MARCHF1: variants seen among roughly 807,000 people sequenced by gnomAD.
MARCHF1 encodes the protein E3 ubiquitin-protein ligase MARCHF1.
A neutral mutation model predicts 54.2 loss-of-function variants in MARCHF1; 40 were observed. That is an observed-to-expected ratio of 0.74 (90% confidence interval 0.57 to 0.96). The LOEUF is 0.96. MARCHF1 is among the 40% of genes least tolerant of loss of function. The pLI is 0.00. For missense variants in MARCHF1, 586 were observed against 656.5 expected, an observed-to-expected ratio of 0.89 and a Z score of 1.17; for synonymous variants, 236 against 236.3, an observed-to-expected ratio of 1.00 and a Z score of 0.01.
intron 2 of MARCHF1, among the ~76,000 whole-genome samples, chr4:164,004,184 G>T (rs1054518362): frequency 6.6e-6 from 1 of 151,792 alleles, no homozygotes; most frequent in Non-Finnish European, 1.5e-5. Context: ...TGCATGTGGG[G>T]CTTAAAAATC....
chr4:163,737,157 TTTCTTTC>T lies in MARCHF1; in HGVS notation c.112-36301_112-36295del, dbSNP rs1241683907. Among the ~76,000 whole-genome samples the T allele has an allele frequency of 1.7e-4, 17 of 97,594 alleles. 1 individual carries two copies. The highest frequency in any genetic ancestry group is 5.2e-4 in the African/African-American group (14 of 27,146). The allele number at this position is 97,594 out of a possible 152,430, so 64.0% of individuals were successfully genotyped here. On this transcript the variant is annotated intron_variant, in intron 4 of 9. Transcript: ENST00000514618. ...GTCACTTATCAGCGCTCGCAGCTTT[TTTCTTTC>T]TTTTTTTTTTTTTTTTTTCACATAT...
At chr4:163,686,778 T>C (rs1744281847) in intron 5 of MARCHF1, among the ~76,000 whole-genome samples, 1 of 152,106 alleles carries the variant, frequency 6.6e-6, no homozygotes, top group Non-Finnish European at 1.5e-5. Flanking sequence ...TGTAGGCCCA[T>C]GCAGAAAATG....
At chr4:163,698,233 C>A (rs903240396) in intron 5 of MARCHF1, among the ~76,000 whole-genome samples, 32 of 152,134 alleles carry the variant, frequency 2.1e-4, no homozygotes, top group African/African-American at 7.7e-4. Context: ...AGGAAAAAAT[C>A]TTGGTTCCAA....
intron 3 of MARCHF1, among the ~76,000 whole-genome samples, chr4:163,882,749 G>C (rs1214111573): frequency 6.6e-6 from 1 of 152,002 alleles, no homozygotes; most frequent in Non-Finnish European, 1.5e-5. Context: ...TAGGTGGATT[G>C]CTTGAACCTA....
chr4:164,229,366 A>G (rs2111173892), intron 1 of MARCHF1, among the ~76,000 whole-genome samples: 1 of 152,278 alleles, frequency 6.6e-6, no homozygotes, highest in African/African-American at 2.4e-5. Flanking sequence ...CTGCCCTCTC[A>G]TAAGCAACAC....
chr4:164,035,660 T>C (rs1322563283), intron 2 of MARCHF1, among the ~76,000 whole-genome samples: 3 of 142,718 alleles, frequency 2.1e-5, no homozygotes, highest in Non-Finnish European at 4.7e-5. Context: ...GAAACAAAAA[T>C]AGAAACATTC....
intron 8 of MARCHF1, among the ~76,000 whole-genome samples, chr4:163,562,778 C>T (rs1045285694): frequency 6.6e-6 from 1 of 152,140 alleles, no homozygotes; most frequent in African/African-American, 2.4e-5. Flanking sequence ...TATGTTATTT[C>T]CCCAGATTTA....
chr4:164,376,662 C>T (rs1190995138), intron 1 of MARCHF1, among the ~76,000 whole-genome samples: 1 of 152,190 alleles, frequency 6.6e-6, no homozygotes, highest in Non-Finnish European at 1.5e-5. Context: ...TTCCCACTGA[C>T]TGCGAGGCTC....
chr4:164,174,540 T>C (rs778582042), intron 1 of MARCHF1, among the ~76,000 whole-genome samples: 14 of 152,182 alleles, frequency 9.2e-5, no homozygotes, highest in Non-Finnish European at 1.6e-4. Context: ...TTAGGAAGGC[T>C]GGAGGAGCAG....
chr4:164,336,189 C>T (rs1168751127), intron 1 of MARCHF1, among the ~76,000 whole-genome samples: 1 of 152,078 alleles, frequency 6.6e-6, no homozygotes, highest in African/African-American at 2.4e-5. Flanking sequence ...GATGAAACAA[C>T]CAAATTGGCT....
chr4:164,187,899 T>TAA (rs1393783840), intron 1 of MARCHF1, among the ~76,000 whole-genome samples: 2 of 152,172 alleles, frequency 1.3e-5, no homozygotes, highest in African/African-American at 2.4e-5. Context: ...TTTGACTCTT[T>TAA]AAATCTCAAA....
At chr4:163,584,146 A>G (rs988723080) in intron 8 of MARCHF1, 2 of 151,012 alleles carry the variant, frequency 1.3e-5, no homozygotes, top group African/African-American at 4.9e-5. Context: ...TGGAATAAAA[A>G]GACTTTTCAA....
chr4:163,643,193 TG>T (rs1448452770), intron 5 of MARCHF1, among the ~76,000 whole-genome samples: 2 of 148,244 alleles, frequency 1.3e-5, no homozygotes, highest in African/African-American at 2.5e-5. Flanking sequence ...CAAGTGGTAG[TG>T]GTGCACGTCT....
In MARCHF1 at chr4:163,712,840, T is replaced by G. The variant is rs902080894; in HGVS notation, c.112-11977A>C. Among the ~76,000 whole-genome samples, 16 of 152,256 alleles carry G rather than the reference T, an allele frequency of 1.1e-4. No individual in the cohort carries two copies. In the East Asian group the frequency reaches 2.7e-3, roughly 26 times the overall value. On this transcript the variant is annotated intron_variant, in intron 4 of 9. Coordinates refer to ENST00000514618, the MANE Select transcript of MARCHF1 (RefSeq NM_001394959.1). ...GTCAGGTCCATTTCTGACAATCCCT[T>G]GTTATATAATAATATTGGCCTACCA...
intron 5 of MARCHF1, among the ~76,000 whole-genome samples, chr4:163,641,543 T>C (rs1313728796): frequency 1.3e-5 from 2 of 152,188 alleles, no homozygotes. Flanking sequence ...TATTAATTCC[T>C]GTGTTCATAC....
chr4:164,091,434 A>ATATATATAT (rs56887424), intron 2 of MARCHF1, among the ~76,000 whole-genome samples: 5 of 147,062 alleles, frequency 3.4e-5, no homozygotes, highest in African/African-American at 7.4e-5. Context: ...ATATATGTAT[A>ATATATATAT]AAATGAATTG....
rs896221826 is a variant in MARCHF1 at position 163,635,421 on chromosome 4, G to A, written c.163-22028C>T. Among the ~76,000 whole-genome samples, 21 of 150,074 alleles carry A rather than the reference G, an allele frequency of 1.4e-4. 1 individual carries two copies. The highest frequency in any genetic ancestry group is 2.5e-4 in the Non-Finnish European group (17 of 67,432). ...AAATGATAAAGGGGATATCACCACC[G>A]ATCCCACAGAAATACAAACTACCAT... On this transcript the variant is annotated intron_variant, in intron 5 of 9. Coordinates refer to ENST00000514618, the MANE Select transcript of MARCHF1 (RefSeq NM_001394959.1).
intron 2 of MARCHF1, among the ~76,000 whole-genome samples, chr4:164,006,508 G>A (rs545636848): frequency 6.6e-6 from 1 of 152,186 alleles, no homozygotes; most frequent in African/African-American, 2.4e-5. Context: ...AAATCTAAGA[G>A]TTATTGGTGT....
At chr4:163,600,951 G>C (rs145506881) in intron 7 of MARCHF1, among the ~76,000 whole-genome samples, 1 of 152,262 alleles carries the variant, frequency 6.6e-6, no homozygotes, top group African/African-American at 2.4e-5. Flanking sequence ...GAACTAACAC[G>C]CTCCTGGAGT....
Sources: allele counts gnomAD v4.1 joint callset (sites outside exome capture counted in the v4.1 genomes callset), GRCh38; gene constraint gnomAD v4.1.1; transcripts MANE v1.5; gene names NCBI Gene and HGNC (gene_info 2026-07-23, HGNC 2026-07-21).